The following TENT4B variants were observed in gnomAD, a reference collection of about 807,000 sequenced individuals.
The protein encoded by TENT4B is terminal nucleotidyltransferase 4B.
Under a neutral mutation model 75.0 loss-of-function variants are expected in TENT4B, and 10 were observed. That is an observed-to-expected ratio of 0.13 (90% CI 0.08 to 0.23). The LOEUF (loss-of-function observed/expected upper bound fraction) is 0.23. TENT4B is among the 10% of genes least tolerant of loss of function. The probability of loss-of-function intolerance (pLI) is 1.00; values close to 1 mark genes in which losing one functional copy is unlikely to be tolerated. For synonymous variants in TENT4B, 350 were observed against 357.7 expected (o/e 0.98, Z 0.24); for missense variants, 579 against 893.8 (o/e 0.65, Z 4.49).
At chr16:50,203,635 G>A (rs1404297338) in intron 1 of TENT4B, among the ~76,000 whole-genome samples, 1 of 151,886 alleles carries the variant, frequency 6.6e-6, no homozygotes, top group African/African-American at 2.4e-5. Flanking sequence ...GGGTCAAATT[G>A]TCCTCCTTCT....
At chr16:50,226,841 C>G (rs988424178) in intron 10 of TENT4B, among the ~76,000 whole-genome samples, 20 of 152,170 alleles carry the variant, frequency 1.3e-4, no homozygotes, top group African/African-American at 4.8e-4. Context: ...ACATTTCCAT[C>G]ACCCCAAGAA....
chr16:50,203,094 G>A (rs1236088848), intron 1 of TENT4B, among the ~76,000 whole-genome samples: 2 of 152,184 alleles, frequency 1.3e-5, no homozygotes, highest in Non-Finnish European at 2.9e-5. Context: ...TCCTAACCAA[G>A]GAAGGGTTGC....
At chr16:50,174,459 C>G (rs530116985) in intron 1 of TENT4B, among the ~76,000 whole-genome samples, 1 of 152,046 alleles carries the variant, frequency 6.6e-6, no homozygotes, top group African/African-American at 2.4e-5. Flanking sequence ...AAAATTAATA[C>G]TTAATAAAAT....
At chr16:50,212,434 A>T (rs1485294928) in intron 2 of TENT4B, among the ~76,000 whole-genome samples, 1 of 152,176 alleles carries the variant, frequency 6.6e-6, no homozygotes, top group East Asian at 1.9e-4. Flanking sequence ...GTATGCAAAG[A>T]AGTACACAAA....
chr16:50,213,666 A>G (rs2031401198), intron 2 of TENT4B, among the ~76,000 whole-genome samples: 1 of 152,218 alleles, frequency 6.6e-6, no homozygotes, highest in Non-Finnish European at 1.5e-5. Flanking sequence ...GGCTTTCTGT[A>G]TCCACAGGTA....
chr16:50,202,115 C>T (rs1056542944), intron 1 of TENT4B, among the ~76,000 whole-genome samples: 3 of 152,174 alleles, frequency 2.0e-5, no homozygotes, highest in Non-Finnish European at 2.9e-5. Context: ...ATTTGAAATA[C>T]GTGTGGGAGC....
intron 1 of TENT4B, among the ~76,000 whole-genome samples, chr16:50,166,084 T>A (rs2038094077): frequency 6.6e-6 from 1 of 150,670 alleles, no homozygotes; most frequent in South Asian, 2.1e-4. Flanking sequence ...ACAGCACTTT[T>A]TTTTTTTTTT....
chr16:50,190,015 G>T (rs1235162615), intron 1 of TENT4B, among the ~76,000 whole-genome samples: 4 of 150,482 alleles, frequency 2.7e-5, no homozygotes, highest in Non-Finnish European at 5.9e-5. Flanking sequence ...AGGGGAGATT[G>T]CAGTGAGCTG....
In TENT4B at chr16:50,233,985, A is replaced by G; in HGVS notation, c.*4657A>G. Reference sequence around the variant, plus strand: ...ATCTCTAGTTCCACATTTTAACTTAACGTCTTTGTGGCTTCACCACTGAGC... The same window carrying G: ...ATCTCTAGTTCCACATTTTAACTTAGCGTCTTTGTGGCTTCACCACTGAGC... On this transcript the variant is annotated 3_prime_UTR_variant, in exon 12 of 12. Coordinates refer to ENST00000561678, the MANE Select transcript of TENT4B (RefSeq NM_001365324.3). 1 of 985,478 alleles carries G rather than the reference A, an allele frequency of 1.0e-6. No individual in the cohort carries two copies. The highest frequency in any genetic ancestry group is 1.1e-4 in the East Asian group (1 of 8,824). 61.0% of individuals were successfully genotyped at this position (985,478 alleles called of 1,614,324 possible).
chr16:50,220,201 G>A (rs1315226752), intron 5 of TENT4B, among the ~76,000 whole-genome samples: 2 of 151,774 alleles, frequency 1.3e-5, no homozygotes, highest in African/African-American at 2.4e-5. Flanking sequence ...GTTGGCCAGG[G>A]TGGTCTCAAA....
intron 1 of TENT4B, among the ~76,000 whole-genome samples, chr16:50,196,932 T>C (rs2030297437): frequency 6.7e-6 from 1 of 149,192 alleles, no homozygotes; most frequent in South Asian, 2.1e-4. Flanking sequence ...CGAAACCCTG[T>C]CTCAAAAAAA....
intron 1 of TENT4B, among the ~76,000 whole-genome samples, chr16:50,180,111 C>CTT (rs34193314): frequency 4.0e-4 from 59 of 147,528 alleles, no homozygotes; most frequent in East Asian, 1.8e-3. Context: ...TTTTCTTTTT[C>CTT]TTTTTTTTTT....
chr16:50,180,111 C>CT (rs34193314), intron 1 of TENT4B, among the ~76,000 whole-genome samples: 110,488 of 147,500 alleles, frequency 0.75, 41,778 homozygotes, highest in Non-Finnish European at 0.8. Flanking sequence ...TTTTCTTTTT[C>CT]TTTTTTTTTT....
chr16:50,230,956 T>C lies in TENT4B; in HGVS notation c.*1628T>C. 1 of 979,754 alleles carries C rather than the reference T, an allele frequency of 1.0e-6. No individual in the cohort carries two copies. Among genetic ancestry groups the C allele is most frequent in the Non-Finnish European group, 1.2e-6 (1 of 824,498 alleles). The allele number at this position is 979,754 out of a possible 1,614,324, so 60.7% of individuals were successfully genotyped here. A position where few individuals can be genotyped will look rare whatever the true frequency, so the allele number is the denominator to read the frequency against. ...ATAAAGTACTATTGGCTTTTAGGAG[T>C]TTCTTTTATATACATTTATGAAATA... On this transcript the variant is annotated 3_prime_UTR_variant, in exon 12 of 12. Coordinates refer to ENST00000561678, the MANE Select transcript of TENT4B (RefSeq NM_001365324.3).
At chr16:50,208,163 T>C (rs2031086872) in intron 1 of TENT4B, among the ~76,000 whole-genome samples, 1 of 152,202 alleles carries the variant, frequency 6.6e-6, no homozygotes, top group Non-Finnish European at 1.5e-5. Context: ...CCCTCCTCTT[T>C]TTCTGTATTC....
intron 1 of TENT4B, among the ~76,000 whole-genome samples, chr16:50,178,142 CT>C (rs35008488): frequency 0.063 from 7,284 of 115,486 alleles, 201 homozygotes; most frequent in East Asian, 0.093. Context: ...AGGTGGTCTA[CT>C]TTTTTTTTTT....
intron 1 of TENT4B, among the ~76,000 whole-genome samples, chr16:50,205,588 T>A (rs2030913477): frequency 1.1e-5 from 1 of 94,280 alleles, no homozygotes; most frequent in Non-Finnish European, 2.0e-5. Flanking sequence ...TTTTTTTTTT[T>A]TTTTTTTTTT....
At position 50,180,015 on chromosome 16, in the gene TENT4B, T is replaced by TA. The variant is rs933937430; in HGVS notation, c.638+25766dup. On this transcript the variant is annotated intron_variant, in intron 1 of 11. Coordinates refer to ENST00000561678, the MANE Select transcript of TENT4B (RefSeq NM_001365324.3). ...AGTGCGGTTCTCAATCTGAGGAAGTTAAAAAAAAAATTAGTGACTAGAACC... is the reference window on the plus strand; with the variant it reads ...AGTGCGGTTCTCAATCTGAGGAAGTTAAAAAAAAAAATTAGTGACTAGAACC... 1.2e-4 allele frequency among the ~76,000 whole-genome samples: 18 copies of TA among 150,050 alleles called. 2 individuals carry two copies. In the South Asian group the frequency reaches 2.5e-3, roughly 21 times the overall value.
At position 50,234,386 on chromosome 16, in the gene TENT4B, C is replaced by G. The variant is rs1567519885; in HGVS notation, c.*5058C>G. On this transcript the variant is annotated 3_prime_UTR_variant, in exon 12 of 12. Coordinates refer to ENST00000561678, the MANE Select transcript of TENT4B (RefSeq NM_001365324.3). ...ACTTGGTGAAGTTCAGTACTTGCCT[C>G]TTAGAGGTTAGGCCATGCCTTTCAA... 1 of 985,284 alleles carries G rather than the reference C, an allele frequency of 1.0e-6. No individual in the cohort carries two copies. The highest frequency in any genetic ancestry group is 1.7e-5 in the African/African-American group (1 of 57,212). The allele number at this position is 985,284 out of a possible 1,614,324, so 61.0% of individuals were successfully genotyped here.
Sources: gnomAD v4.1 joint callset for allele counts (sites outside exome capture counted in the v4.1 genomes callset) on GRCh38, gnomAD v4.1.1 for gene constraint, MANE v1.5 for transcripts, NCBI Gene and HGNC (gene_info 2026-07-23, HGNC 2026-07-21) for gene names.